MGMT: variants seen among roughly 807,000 people sequenced by gnomAD.
MGMT encodes methylated-DNA--protein-cysteine methyltransferase.
MGMT carries 14 observed loss-of-function variants against 15.9 expected under a neutral mutation model. The observed-to-expected ratio is 0.88, with a 90% CI of 0.58 to 1.37. MGMT has a LOEUF of 1.37. Among genes scored for constraint, MGMT ranks in the 40% most tolerant of loss-of-function variants. MGMT has a pLI of 0.00. For missense variants in MGMT, 282 were observed against 268.1 expected, an observed-to-expected ratio of 1.05 and a Z score of -0.36; for synonymous variants, 130 against 118.2, an observed-to-expected ratio of 1.10 and a Z score of -0.65.
intron 2 of MGMT, among the ~76,000 whole-genome samples, chr10:129,573,208 TAAAG>T (rs1057365717): frequency 3.9e-4 from 60 of 152,312 alleles, no homozygotes; most frequent in African/African-American, 1.4e-3. Context: ...TTTTGCATAT[TAAAG>T]AAAGACCATC....
chr10:129,595,866 C>T (rs1846745468), intron 2 of MGMT, among the ~76,000 whole-genome samples: 1 of 152,126 alleles, frequency 6.6e-6, no homozygotes, highest in Non-Finnish European at 1.5e-5. Flanking sequence ...AAGGAGACCC[C>T]TTTAGAATGT....
At chr10:129,682,685 T>A (rs1190944104) in intron 2 of MGMT, among the ~76,000 whole-genome samples, 1 of 152,240 alleles carries the variant, frequency 6.6e-6, no homozygotes, top group East Asian at 1.9e-4. Flanking sequence ...ATAGGTAGTT[T>A]AGTTAGATGT....
At chr10:129,695,046 A>G (rs1235277154) in intron 2 of MGMT, among the ~76,000 whole-genome samples, 1 of 152,230 alleles carries the variant, frequency 6.6e-6, no homozygotes, top group African/African-American at 2.4e-5. Context: ...GCGTGTTTTA[A>G]GAGTTTCAAT....
intron 2 of MGMT, among the ~76,000 whole-genome samples, chr10:129,611,419 C>A (rs1033478966): frequency 2.0e-5 from 3 of 152,198 alleles, no homozygotes; most frequent in Non-Finnish European, 2.9e-5. Flanking sequence ...CACTCACTAT[C>A]ATGAGAATAG....
chr10:129,725,544 C>T (rs1472600296), intron 3 of MGMT, among the ~76,000 whole-genome samples: 1 of 152,216 alleles, frequency 6.6e-6, no homozygotes, highest in Non-Finnish European at 1.5e-5. Flanking sequence ...TCAACTTCTC[C>T]ACCTTTTCCA....
chr10:129,515,001 G>A (rs1044610834), intron 1 of MGMT, among the ~76,000 whole-genome samples: 1 of 152,130 alleles, frequency 6.6e-6, no homozygotes, highest in Non-Finnish European at 1.5e-5. Flanking sequence ...AGGTATTGGG[G>A]GTCATTGGAC....
chr10:129,527,227 C>T (rs535901299), intron 1 of MGMT, among the ~76,000 whole-genome samples: 257 of 152,342 alleles, frequency 1.7e-3, no homozygotes, highest in Middle Eastern at 6.8e-3. Context: ...TGTCTGGTTG[C>T]CCCTTAGACT....
At chr10:129,574,673 G>A (rs541924288) in intron 2 of MGMT, among the ~76,000 whole-genome samples, 19 of 152,268 alleles carry the variant, frequency 1.2e-4, no homozygotes, top group Middle Eastern at 3.4e-3. Context: ...ACTTCAGTTT[G>A]TCTATTAAAG....
intron 1 of MGMT, among the ~76,000 whole-genome samples, chr10:129,522,172 T>C (rs1458932674): frequency 6.6e-6 from 1 of 152,160 alleles, no homozygotes. Flanking sequence ...TCACCGGAAA[T>C]AGCTCCTCCC....
chr10:129,673,120 T>C (rs7918174), intron 2 of MGMT, among the ~76,000 whole-genome samples: 8,261 of 152,186 alleles, frequency 0.054, 739 homozygotes, highest in African/African-American at 0.19. Context: ...TGCAAGACAC[T>C]GTCTGTTGCC....
At chr10:129,649,501 G>A (rs1251252945) in intron 2 of MGMT, among the ~76,000 whole-genome samples, 2 of 152,152 alleles carry the variant, frequency 1.3e-5, no homozygotes, top group African/African-American at 4.8e-5. Flanking sequence ...AGGGCGATGA[G>A]GCATTCTTGA....
intron 1 of MGMT, among the ~76,000 whole-genome samples, chr10:129,523,617 C>T (rs10829599): frequency 0.39 from 59,200 of 152,036 alleles, 12,753 homozygotes; most frequent in East Asian, 0.63. Flanking sequence ...TTCCCTCCAC[C>T]GTGGAATCCG....
chr10:129,575,569 A>G (rs1287218462), intron 2 of MGMT, among the ~76,000 whole-genome samples: 1 of 149,830 alleles, frequency 6.7e-6, no homozygotes, highest in Admixed American at 6.7e-5. Flanking sequence ...CTAAATGCCC[A>G]CAAGAGAAAG....
chr10:129,593,395 C>T (rs1401576897), intron 2 of MGMT, among the ~76,000 whole-genome samples: 2 of 152,200 alleles, frequency 1.3e-5, no homozygotes, highest in Non-Finnish European at 2.9e-5. Flanking sequence ...CCTCCTGCCT[C>T]CCCAGCTCTC....
At chr10:129,746,778 C>T (rs552850582) in intron 3 of MGMT, among the ~76,000 whole-genome samples, 1 of 152,258 alleles carries the variant, frequency 6.6e-6, no homozygotes, top group South Asian at 2.1e-4. Flanking sequence ...TGTGATTTCT[C>T]TAACCTTTTT....
chr10:129,527,140 G>A (rs561711961), intron 1 of MGMT, among the ~76,000 whole-genome samples: 6 of 152,342 alleles, frequency 3.9e-5, no homozygotes, highest in East Asian at 1.9e-4. Flanking sequence ...TCGCCTGGGC[G>A]TCCTAAATGT....
chr10:129,655,139 G>A (rs1235902492), intron 2 of MGMT, among the ~76,000 whole-genome samples: 1 of 152,212 alleles, frequency 6.6e-6, no homozygotes, highest in Non-Finnish European at 1.5e-5. Context: ...TGGAAAGAAA[G>A]CACTGCAGCC....
chr10:129,716,009 C>T (rs562976955), intron 3 of MGMT, among the ~76,000 whole-genome samples: 5 of 152,234 alleles, frequency 3.3e-5, no homozygotes, highest in South Asian at 2.1e-4. Flanking sequence ...CTTCTGAGGC[C>T]GCGTGGAGAT....
At chr10:129,496,098 A>T (rs1845518371) in intron 1 of MGMT, among the ~76,000 whole-genome samples, 1 of 152,192 alleles carries the variant, frequency 6.6e-6, no homozygotes, top group Non-Finnish European at 1.5e-5. Context: ...TTAGAGTCTC[A>T]CTTTTAATTT....
Sources: gnomAD v4.1 joint callset for allele counts (sites outside exome capture counted in the v4.1 genomes callset) on GRCh38, gnomAD v4.1.1 for gene constraint, MANE v1.5 for transcripts, NCBI Gene and HGNC (gene_info 2026-07-23, HGNC 2026-07-21) for gene names.